Variants in CTNNA1 observed in about 807,000 individuals in gnomAD.
CTNNA1 encodes catenin alpha 1.
In CTNNA1, 37 loss-of-function variants were observed where a neutral mutation model predicts 98.4. The ratio of observed to expected loss-of-function variants is 0.38; its 90% CI spans 0.29 to 0.49. The LOEUF is 0.49. CTNNA1 is among the 20% of genes least tolerant of loss of function. The pLI is 0.95. For missense variants in CTNNA1, 761 were observed against 1,147.2 expected, an observed-to-expected ratio of 0.66 and a Z score of 4.86; for synonymous variants, 404 against 413.2, an observed-to-expected ratio of 0.98 and a Z score of 0.27.
chr5:138,853,013 T>C (rs1763384428), intron 7 of CTNNA1, among the ~76,000 whole-genome samples: 1 of 152,198 alleles, frequency 6.6e-6, no homozygotes, highest in Non-Finnish European at 1.5e-5. Flanking sequence ...ATTTGTTCAT[T>C]TTATTGCTGA....
intron 1 of CTNNA1, 70 bp downstream of exon 1, chr5:138,753,580 C>G (rs1751240461): frequency 1.7e-5 from 6 of 362,682 alleles, no homozygotes; most frequent in Non-Finnish European, 3.0e-5. Context: ...TGGGCCGGGC[C>G]GTCCCAAGCT....
intron 5 of CTNNA1, among the ~76,000 whole-genome samples, chr5:138,817,608 T>A: frequency 6.6e-6 from 1 of 152,178 alleles, no homozygotes; most frequent in East Asian, 1.9e-4. Flanking sequence ...CTCTTTTTCA[T>A]TGTTTTTTGT....
intron 7 of CTNNA1, among the ~76,000 whole-genome samples, chr5:138,885,334 G>C (rs1313638455): frequency 6.6e-6 from 1 of 152,088 alleles, no homozygotes; most frequent in African/African-American, 2.4e-5. Flanking sequence ...ATTATTTGCT[G>C]ACATGTTTTT....
At chr5:138,775,342 TG>T (rs1476408707) in intron 1 of CTNNA1, among the ~76,000 whole-genome samples, 27 of 152,232 alleles carry the variant, frequency 1.8e-4, no homozygotes, top group Admixed American at 1.6e-3. Context: ...TGACTTGGGT[TG>T]ATCAGTTGAG....
chr5:138,781,019 T>C (rs1326072430), intron 1 of CTNNA1, among the ~76,000 whole-genome samples: 1 of 152,214 alleles, frequency 6.6e-6, no homozygotes, highest in Non-Finnish European at 1.5e-5. Context: ...TTGACACTGA[T>C]ACAGTGATAT....
chr5:138,821,249 A>T (rs531261263), intron 5 of CTNNA1, among the ~76,000 whole-genome samples: 1 of 152,380 alleles, frequency 6.6e-6, no homozygotes, highest in Admixed American at 6.5e-5. Context: ...CATCAACCTT[A>T]GATCCTGTGA....
chr5:138,763,505 G>A (rs1752589702), intron 1 of CTNNA1, among the ~76,000 whole-genome samples: 1 of 152,110 alleles, frequency 6.6e-6, no homozygotes, highest in African/African-American at 2.4e-5. Flanking sequence ...ACGACACCCA[G>A]CTAATTTTTT....
At chr5:138,855,051 T>C (rs1282137417) in intron 7 of CTNNA1, among the ~76,000 whole-genome samples, 1 of 152,246 alleles carries the variant, frequency 6.6e-6, no homozygotes, top group East Asian at 1.9e-4. Context: ...TGTTTGTTTT[T>C]GTTTTGAGAC....
chr5:138,908,018 C>T (rs922527328), intron 10 of CTNNA1, among the ~76,000 whole-genome samples: 3 of 151,928 alleles, frequency 2.0e-5, no homozygotes, highest in Middle Eastern at 3.4e-3. Flanking sequence ...CGCTCTGTCA[C>T]CCAGGCTGGA....
chr5:138,921,846 G>T (rs1463112892), intron 11 of CTNNA1, among the ~76,000 whole-genome samples: 1 of 151,292 alleles, frequency 6.6e-6, no homozygotes, highest in East Asian at 1.9e-4. Flanking sequence ...TGATCTGCCC[G>T]CCCTCAGCCT....
intron 7 of CTNNA1, among the ~76,000 whole-genome samples, chr5:138,832,657 A>C (rs1761377126): frequency 6.6e-6 from 1 of 152,180 alleles, no homozygotes. Flanking sequence ...AGGGATATAT[A>C]TTTTCAGGTT....
rs372985195 is a variant in CTNNA1, at chr5:138,843,898, T to G, written c.1062+16180T>G. On this transcript the variant is annotated intron_variant, in intron 7 of 17. Transcript: ENST00000302763. ...GGTTTCTGGATTCCCCCAAAAGGAG[T>G]CTACTGTAGTTACTGAACAGTGCAG... Among the ~76,000 whole-genome samples the G allele has an allele frequency of 3.3e-5, 5 of 152,244 alleles. No individual in the cohort carries two copies. The East Asian group carries it at 9.7e-4, about 29-fold the overall frequency.
intron 1 of CTNNA1, among the ~76,000 whole-genome samples, chr5:138,774,717 G>A (rs1298658008): frequency 6.6e-6 from 1 of 152,022 alleles, no homozygotes; most frequent in Non-Finnish European, 1.5e-5. Context: ...TGCCTCCCGG[G>A]TTCACGCCAT....
chr5:138,846,739 A>G (rs1460780033), intron 7 of CTNNA1, among the ~76,000 whole-genome samples: 1 of 152,186 alleles, frequency 6.6e-6, no homozygotes, highest in Non-Finnish European at 1.5e-5. Flanking sequence ...TGAATGAAGG[A>G]TTGCTGAATT....
intron 7 of CTNNA1, among the ~76,000 whole-genome samples, chr5:138,836,327 C>T (rs1402761820): frequency 6.6e-6 from 1 of 152,210 alleles, no homozygotes; most frequent in Non-Finnish European, 1.5e-5. Context: ...GTATAATGCC[C>T]TCCAAGTTCA....
rs1034036706 is a variant in CTNNA1, at chr5:138,812,407, A to G, written c.588+105A>G. 53 of 1,226,292 alleles carry G rather than the reference A, an allele frequency of 4.3e-5. No individual in the cohort carries two copies. In the Admixed American group the frequency reaches 9.5e-4, roughly 22 times the overall value. 76.0% of individuals were successfully genotyped at this position (1,226,292 alleles called of 1,614,324 possible). On this transcript the variant is annotated intron_variant, in intron 5 of 17. Transcript: ENST00000302763. ...AAAGTACCATTACTTACCTTCGCCA[A>G]TATAGTTCCATTAAAACATTTAAAC...
chr5:138,898,434 T>A (rs1757368164), intron 9 of CTNNA1, among the ~76,000 whole-genome samples: 1 of 152,160 alleles, frequency 6.6e-6, no homozygotes, highest in Non-Finnish European at 1.5e-5. Context: ...AGAGAGTACC[T>A]TTGCTAGCTT....
intron 1 of CTNNA1, chr5:138,754,084 A>G (rs1205288571): frequency 6.6e-6 from 1 of 152,024 alleles, no homozygotes; most frequent in Non-Finnish European, 1.5e-5. Context: ...CTTCTCCCAT[A>G]CAGCTTCGCC....
Position 138,873,994 on chromosome 5 carries a change from G to A in CTNNA1, c.1063-12218G>A, listed in dbSNP as rs368174230. 84 of 1,613,974 alleles carry A rather than the reference G, an allele frequency of 5.2e-5. No individual in the cohort carries two copies. In the African/African-American group the frequency reaches 8.9e-4, roughly 17 times the overall value. On this transcript the variant is annotated intron_variant, in intron 7 of 17. Transcript: ENST00000302763. The surrounding 1 kb of genome is among the most constrained non-coding windows in gnomAD (Gnocchi z 6.1). ...GAGCCAAACTTCGCAAACGATTTGT[G>A]CTCAAATCCAGAAACTCCAGACTAC...
Sources: gnomAD v4.1 joint callset for allele counts (sites outside exome capture counted in the v4.1 genomes callset) on GRCh38, gnomAD v4.1.1 for gene constraint, Gnocchi (gnomAD v3.1) non-coding constraint, MANE v1.5 for transcripts, NCBI Gene and HGNC (gene_info 2026-07-23, HGNC 2026-07-21) for gene names.